DCAF7: variants seen among roughly 807,000 people sequenced by gnomAD.
DCAF7 encodes DDB1- and CUL4-associated factor 7.
In DCAF7, 4 loss-of-function variants were observed where a neutral mutation model predicts 41.2. The ratio of observed to expected loss-of-function variants is 0.10; its 90% CI spans 0.05 to 0.22. The LOEUF (loss-of-function observed/expected upper bound fraction) is 0.22. Among genes scored for constraint, DCAF7 ranks in the 10% least tolerant of loss-of-function variants. The pLI is 1.00. For synonymous variants in DCAF7, 143 were observed against 164.2 expected (o/e 0.87, Z 0.99); for missense variants, 131 against 443.2 (o/e 0.30, Z 6.32).
chr17:63,566,131 G>A (rs1167407093), intron 1 of DCAF7, among the ~76,000 whole-genome samples: 1 of 150,960 alleles, frequency 6.6e-6, no homozygotes, highest in Admixed American at 6.6e-5. Context: ...AGCACTTTGG[G>A]AGGCCGAGGT....
intron 1 of DCAF7, among the ~76,000 whole-genome samples, chr17:63,568,053 C>T (rs2033463670): frequency 6.6e-6 from 1 of 151,970 alleles, no homozygotes; most frequent in Non-Finnish European, 1.5e-5. Flanking sequence ...TGGAGTCTCG[C>T]TCTGTTGCCC....
chr17:63,585,033 T>C (rs1021433420), intron 5 of DCAF7, among the ~76,000 whole-genome samples, 178 bp from the exon 6 acceptor site: 2 of 152,218 alleles, frequency 1.3e-5, no homozygotes, highest in East Asian at 3.8e-4. Context: ...ATAGAGACTA[T>C]CAACTACCCG....
At chr17:63,566,370 C>CAA in intron 1 of DCAF7, among the ~76,000 whole-genome samples, 1 of 142,254 alleles carries the variant, frequency 7.0e-6, no homozygotes. Context: ...GACTCTGTCT[C>CAA]AAAAAAAAAA....
chr17:63,578,256 T>C (rs2033584094), intron 1 of DCAF7, among the ~76,000 whole-genome samples: 1 of 152,076 alleles, frequency 6.6e-6, no homozygotes, highest in Non-Finnish European at 1.5e-5. Flanking sequence ...CCCAGCTACT[T>C]GAGAGGCTGA....
intron 2 of DCAF7, 149 bp downstream of exon 2, chr17:63,578,777 C>T (rs959654887): frequency 9.8e-6 from 11 of 1,119,760 alleles, no homozygotes; most frequent in South Asian, 6.0e-5. Flanking sequence ...GGACTGGCCT[C>T]GTTTGGCTCA....
At chr17:63,587,492 G>T (rs1216807709) in intron 6 of DCAF7, among the ~76,000 whole-genome samples, 3 of 152,116 alleles carry the variant, frequency 2.0e-5, no homozygotes, top group Non-Finnish European at 4.4e-5. Flanking sequence ...TGTTGCACCT[G>T]CCTTGAGCCC....
Position 63,585,517 on chromosome 17 carries a change from T to C in DCAF7, c.856+189T>C, listed in dbSNP as rs886574533. On this transcript the variant is annotated intron_variant, in intron 6 of 6. Coordinates refer to ENST00000614556, the MANE Select transcript of DCAF7 (RefSeq NM_005828.5). ...ATTTTTAGACGATCTTGTACCCTCA[T>C]GGACATCAGAACATCTTCCATATAT... Among the ~76,000 whole-genome samples the C allele has an allele frequency of 2.6e-5, 4 of 152,236 alleles. No homozygotes were observed. In the South Asian group the frequency reaches 6.2e-4, roughly 24 times the overall value.
chr17:63,563,676 A>G (rs1260575240), intron 1 of DCAF7, among the ~76,000 whole-genome samples: 1 of 152,054 alleles, frequency 6.6e-6, no homozygotes, highest in African/African-American at 2.4e-5. Flanking sequence ...TTAGCCTAGC[A>G]TGGTGGTGGG....
At chr17:63,574,298 G>A (rs953126532) in intron 1 of DCAF7, among the ~76,000 whole-genome samples, 2 of 151,942 alleles carry the variant, frequency 1.3e-5, no homozygotes, top group Admixed American at 6.6e-5. Context: ...AATTGTTATC[G>A]ATTATTATCT....
chr17:63,579,371 T>C lies in DCAF7; in HGVS notation c.332T>C (p.Leu111Pro), dbSNP rs1403862974. Residue 111 changes from leucine (L) to proline (P), a missense_variant, in exon 3 of 7, where the codon CTA becomes CCA. Coordinates refer to ENST00000614556, the MANE Select transcript of DCAF7 (RefSeq NM_005828.5). ...ACAGAGACCAGGCTGGAGTGTTTGC[T>C]AAACAATAATAAGAACTCTGATTTC... Reference protein sequence around the residue: ...GETETRLECLLNNNKNSDFCA... With the variant: ...GETETRLECLPNNNKNSDFCA... 1.2e-6 allele frequency: 2 copies of C among 1,608,458 alleles called. No homozygotes were observed. Among genetic ancestry groups the C allele is most frequent in the Non-Finnish European group, 1.7e-6 (2 of 1,177,302 alleles).
At position 63,589,744 on chromosome 17, in the gene DCAF7, T is replaced by G. The variant is rs1413322622; in HGVS notation, c.*572T>G. 2 of 172,754 alleles carry G rather than the reference T, an allele frequency of 1.2e-5. No individual in the cohort carries two copies. The highest frequency in any genetic ancestry group is 2.5e-5 in the Non-Finnish European group (2 of 80,350). 10.7% of individuals were successfully genotyped at this position (172,754 alleles called of 1,614,324 possible). A position where few individuals can be genotyped will look rare whatever the true frequency, so the allele number is the denominator to read the frequency against. ...CTTATAGTCCTCCCTCTTTGCACCT[T>G]CTTCTCTTCCCTCAGTGCCTGGAGC... On this transcript the variant is annotated 3_prime_UTR_variant, in exon 7 of 7. Transcript: ENST00000614556.
chr17:63,561,995 A>G (rs916670515), intron 1 of DCAF7, among the ~76,000 whole-genome samples: 1 of 140,876 alleles, frequency 7.1e-6, no homozygotes, highest in African/African-American at 2.8e-5. Context: ...TTCAGAATAA[A>G]TGTATGTCAA....
intron 1 of DCAF7, among the ~76,000 whole-genome samples, chr17:63,572,790 CCTCGCT>C (rs2033520994): frequency 3.9e-5 from 6 of 152,126 alleles, no homozygotes; most frequent in Admixed American, 3.9e-4. Context: ...TGAGACAAGG[CCTCGCT>C]CTGTTGCCCA....
At chr17:63,561,769 A>G (rs1307440476) in intron 1 of DCAF7, among the ~76,000 whole-genome samples, 2 of 152,152 alleles carry the variant, frequency 1.3e-5, no homozygotes, top group African/African-American at 4.8e-5. Context: ...TTCAACGGAA[A>G]ATTCACTTTA....
chr17:63,566,376 A>G (rs2033442627), intron 1 of DCAF7, among the ~76,000 whole-genome samples: 2 of 152,162 alleles, frequency 1.3e-5, no homozygotes, highest in East Asian at 1.9e-4. Context: ...GTCTCAAAAA[A>G]AAAAAAACAA....
Position 63,579,463 on chromosome 17 carries a change from G to A in DCAF7, c.409+15G>A. 2 of 1,570,870 alleles carry A rather than the reference G, an allele frequency of 1.3e-6. No homozygotes were observed. The highest frequency in any genetic ancestry group is 1.7e-6 in the Non-Finnish European group (2 of 1,151,470). ...TTATCTTTTAGGTAAGGGAGTTAGG[G>A]AGTATGTATTTCAGCTGGAAGAAGC... On this transcript the variant is annotated intron_variant, in intron 3 of 6. Transcript: ENST00000614556.
At chr17:63,586,755 C>T (rs1269589057) in intron 6 of DCAF7, among the ~76,000 whole-genome samples, 6 of 149,494 alleles carry the variant, frequency 4.0e-5, no homozygotes, top group East Asian at 1.9e-4. Context: ...AGTGAGACCC[C>T]GTCTCAAAAA....
chr17:63,575,238 G>A (rs2033549257), intron 1 of DCAF7, among the ~76,000 whole-genome samples: 1 of 152,188 alleles, frequency 6.6e-6, no homozygotes, highest in East Asian at 1.9e-4. Flanking sequence ...GGCTGAGGCA[G>A]GAGAATTGCT....
intron 4 of DCAF7, among the ~76,000 whole-genome samples, chr17:63,582,669 C>T (rs2033636182): frequency 6.6e-6 from 1 of 152,112 alleles, no homozygotes; most frequent in Non-Finnish European, 1.5e-5. Context: ...TGGGGTTTCA[C>T]TGGGTTGGCC....
Sources: gnomAD v4.1 joint callset for allele counts (sites outside exome capture counted in the v4.1 genomes callset) on GRCh38, gnomAD v4.1.1 for gene constraint, MANE v1.5 for transcripts, NCBI Gene and HGNC (gene_info 2026-07-23, HGNC 2026-07-21) for gene names.